NCOR1: variants seen among roughly 807,000 people sequenced by gnomAD.
NCOR1 encodes the protein protein phosphatase 1, regulatory subunit 109.
In NCOR1, 63 loss-of-function variants were observed where a neutral mutation model predicts 288.1. The ratio of observed to expected loss-of-function variants is 0.22; its 90% CI spans 0.18 to 0.27. The LOEUF (loss-of-function observed/expected upper bound fraction) is 0.27, where lower values mean the gene tolerates loss of function less well. Among genes scored for constraint, NCOR1 ranks in the 10% least tolerant of loss-of-function variants. The probability of loss-of-function intolerance (pLI) is 1.00; values close to 1 mark genes in which losing one functional copy is unlikely to be tolerated. For missense variants in NCOR1, 2,397 were observed against 3,019.2 expected (o/e 0.79, Z 4.83); for synonymous variants, 1,007 against 1,065.9 (o/e 0.94, Z 1.08).
intron 6 of NCOR1, among the ~76,000 whole-genome samples, chr17:16,154,448 G>T (rs528198889): frequency 2.6e-5 from 4 of 152,194 alleles, no homozygotes; most frequent in Non-Finnish European, 4.4e-5. Flanking sequence ...ACCACAGGAA[G>T]ATGAGGGGTC....
rs866790652 is a variant in NCOR1, at chr17:16,200,263, G to A, written c.-70-5624C>T. 2.2e-4 allele frequency among the ~76,000 whole-genome samples: 34 copies of A among 151,908 alleles called. No homozygotes were observed. In the East Asian group the frequency reaches 3.3e-3, roughly 15 times the overall value. On this transcript the variant is annotated intron_variant, in intron 1 of 45. Transcript: ENST00000268712. ...AGCACTTTGGGAAGCCAAGGCCGGC[G>A]GATCACAAGGTCAGGAGATCAAGAC... is the stretch of plus-strand genomic sequence containing the variant.
intron 21 of NCOR1, among the ~76,000 whole-genome samples, chr17:16,094,504 A>C (rs1216814683): frequency 6.6e-6 from 1 of 152,198 alleles, no homozygotes; most frequent in Non-Finnish European, 1.5e-5. Flanking sequence ...TCTGGTGCCT[A>C]AAGAAAAATT....
intron 40 of NCOR1, among the ~76,000 whole-genome samples, chr17:16,056,308 C>CTTTTTTTTTTTTTTTTTTTTTTTTTTTT (rs71299858): frequency 1.0e-5 from 1 of 96,006 alleles, no homozygotes; most frequent in Non-Finnish European, 2.0e-5. Flanking sequence ...TTCTTTTTAT[C>CTTTTTTTTTTTTTTTTTTTTTTTTTTTT]TTTTTTTTTT....
chr17:16,205,192 C>T (rs2091338306), intron 1 of NCOR1, among the ~76,000 whole-genome samples: 1 of 151,622 alleles, frequency 6.6e-6, no homozygotes, highest in Non-Finnish European at 1.5e-5. Flanking sequence ...TGCAATCCAG[C>T]CTGTGCAACA....
intron 13 of NCOR1, chr17:16,137,720 A>T (rs2076618037): frequency 4.3e-6 from 1 of 231,180 alleles, no homozygotes; most frequent in African/African-American, 2.3e-5. Flanking sequence ...GCAAATTTTT[A>T]AAATGTCTTT....
chr17:16,127,643 G>A (rs531456841), intron 14 of NCOR1, among the ~76,000 whole-genome samples: 3 of 142,864 alleles, frequency 2.1e-5, no homozygotes, highest in East Asian at 2.0e-4. Context: ...ATGTATATAT[G>A]TGTATGTGTA....
intron 32 of NCOR1, among the ~76,000 whole-genome samples, chr17:16,067,617 T>C (rs1412008205): frequency 6.6e-6 from 1 of 152,232 alleles, no homozygotes; most frequent in East Asian, 1.9e-4. Context: ...AAAATAATTA[T>C]TCACATTAAT....
chr17:16,137,960 T>G (rs2076659338), intron 13 of NCOR1, 198 bp downstream of exon 13: 1 of 487,754 alleles, frequency 2.1e-6, no homozygotes, highest in Non-Finnish European at 3.6e-6. Flanking sequence ...AGGTCATCTT[T>G]CATTAACCAT....
chr17:16,162,016 G>A (rs1436563333), intron 5 of NCOR1, among the ~76,000 whole-genome samples: 11 of 151,828 alleles, frequency 7.2e-5, no homozygotes, highest in Admixed American at 5.2e-4. Flanking sequence ...GAGACTCAGC[G>A]AAATCAAACC....
chr17:16,119,828 C>T (rs1222682167), intron 16 of NCOR1, among the ~76,000 whole-genome samples: 1 of 152,050 alleles, frequency 6.6e-6, no homozygotes, highest in Admixed American at 6.5e-5. Flanking sequence ...AGAAGCAACC[C>T]TCCTCCTTCC....
At chr17:16,168,084 G>A (rs78852700) in intron 4 of NCOR1, among the ~76,000 whole-genome samples, 1 of 151,996 alleles carries the variant, frequency 6.6e-6, no homozygotes, top group Non-Finnish European at 1.5e-5. Flanking sequence ...AAAAAGTTAA[G>A]TTTTACTAAC....
chr17:16,158,112 T>C (rs1470002350), intron 6 of NCOR1, among the ~76,000 whole-genome samples: 1 of 152,160 alleles, frequency 6.6e-6, no homozygotes, highest in Non-Finnish European at 1.5e-5. Flanking sequence ...TAGCTGGGAC[T>C]ACAGGCATGC....
chr17:16,080,528 A>T lies in NCOR1; in HGVS notation c.3299-19T>A. 1 of 1,613,914 alleles carries T rather than the reference A, an allele frequency of 6.2e-7. No homozygotes were observed. On this transcript the variant is annotated intron_variant, in intron 24 of 45. Transcript: ENST00000268712. ...AAAGTAGCTGTGGAAAGGCAGAGAA[A>T]CATGAAACAATCCAGTACTAAATTA...
At chr17:16,160,252 T>C (rs771342052) in intron 5 of NCOR1, among the ~76,000 whole-genome samples, 2 of 152,234 alleles carry the variant, frequency 1.3e-5, no homozygotes, top group Non-Finnish European at 2.9e-5. Flanking sequence ...TAAAGCATAT[T>C]ACAATTATAA....
At chr17:16,168,917 T>C (rs1347340233) in intron 4 of NCOR1, among the ~76,000 whole-genome samples, 1 of 147,006 alleles carries the variant, frequency 6.8e-6, no homozygotes, top group African/African-American at 2.5e-5. Flanking sequence ...TGAGCCAAGA[T>C]CACACCACTG....
At chr17:16,044,304 G>A in intron 42 of NCOR1, 1 of 446,368 alleles carries the variant, frequency 2.2e-6, no homozygotes, top group Non-Finnish European at 4.6e-6. Flanking sequence ...GCGAGGACAA[G>A]TTCAGAAACA....
intron 1 of NCOR1, among the ~76,000 whole-genome samples, chr17:16,201,409 G>A (rs1274882950): frequency 3.3e-5 from 5 of 151,664 alleles, no homozygotes; most frequent in East Asian, 1.9e-4. Context: ...GACCAGCCTG[G>A]CCAAAAAAAC....
chr17:16,060,711 A>T (rs553115852), intron 37 of NCOR1, among the ~76,000 whole-genome samples: 85 of 152,318 alleles, frequency 5.6e-4, no homozygotes, highest in Non-Finnish European at 6.9e-4. Context: ...TATTCAATGG[A>T]GATAACAGAA....
At chr17:16,182,628 G>A (rs1403470382) in intron 3 of NCOR1, among the ~76,000 whole-genome samples, 1 of 152,022 alleles carries the variant, frequency 6.6e-6, no homozygotes, top group African/African-American at 2.4e-5. Flanking sequence ...CTAATGTTTT[G>A]TATTTTTAGT....
Sources: gnomAD v4.1 joint callset for allele counts (sites outside exome capture counted in the v4.1 genomes callset) on GRCh38, gnomAD v4.1.1 for gene constraint, MANE v1.5 for transcripts, NCBI Gene and HGNC (gene_info 2026-07-23, HGNC 2026-07-21) for gene names.